Variants in HS3ST5 observed in about 807,000 individuals in gnomAD.
HS3ST5 encodes the protein heparan sulfate glucosamine 3-O-sulfotransferase 5.
In HS3ST5, 10 loss-of-function variants were observed where a neutral mutation model predicts 25.4. The observed-to-expected ratio is 0.39, with a 90% confidence interval of 0.24 to 0.67. HS3ST5 has a LOEUF of 0.67. Among genes scored for constraint, HS3ST5 ranks in the 30% least tolerant of loss-of-function variants. The pLI, the probability that HS3ST5 is intolerant of heterozygous loss-of-function variation, is 0.44. For missense variants in HS3ST5, 324 were observed against 420.7 expected (o/e 0.77, Z 2.01); for synonymous variants, 170 against 162.4 (o/e 1.05, Z -0.36).
At chr6:114,076,322 A>T (rs1311514967) in intron 3 of HS3ST5, among the ~76,000 whole-genome samples, 1 of 152,214 alleles carries the variant, frequency 6.6e-6, no homozygotes, top group Non-Finnish European at 1.5e-5. Context: ...CTGGGCCCCA[A>T]ATTCTCTTAT....
At chr6:114,133,992 A>C (rs1582637503) in intron 3 of HS3ST5, among the ~76,000 whole-genome samples, 1 of 151,982 alleles carries the variant, frequency 6.6e-6, no homozygotes, top group African/African-American at 2.4e-5. Context: ...GAGAGACAGA[A>C]AGAGAGGGCG....
At chr6:114,132,432 T>C (rs1777382996) in intron 3 of HS3ST5, 1 of 152,240 alleles carries the variant, frequency 6.6e-6, no homozygotes, top group African/African-American at 2.4e-5. Flanking sequence ...ACCCTCTTGT[T>C]TGCATACCAT....
chr6:114,283,275 A>G (rs1448877702), intron 1 of HS3ST5, among the ~76,000 whole-genome samples: 1 of 151,834 alleles, frequency 6.6e-6, no homozygotes, highest in East Asian at 1.9e-4. Flanking sequence ...AGCTGTCATT[A>G]TGATTTATTT....
chr6:114,340,113 C>T (rs200145416), intron 1 of HS3ST5, among the ~76,000 whole-genome samples: 1 of 151,942 alleles, frequency 6.6e-6, no homozygotes, highest in African/African-American at 2.4e-5. Context: ...CTGTGTATGC[C>T]GGCAAAAATG....
At chr6:114,088,712 T>C (rs918800261) in intron 3 of HS3ST5, among the ~76,000 whole-genome samples, 2 of 152,230 alleles carry the variant, frequency 1.3e-5, no homozygotes, top group Non-Finnish European at 2.9e-5. Flanking sequence ...AAATAGGTTA[T>C]AGGCTATATA....
intron 1 of HS3ST5, among the ~76,000 whole-genome samples, chr6:114,281,178 G>C (rs1774092130): frequency 6.6e-6 from 1 of 151,982 alleles, no homozygotes; most frequent in Non-Finnish European, 1.5e-5. Flanking sequence ...ATGTATCTCA[G>C]TGTTTCACTT....
chr6:114,230,527 C>T (rs544903794), intron 1 of HS3ST5, among the ~76,000 whole-genome samples: 72 of 151,822 alleles, frequency 4.7e-4, no homozygotes, highest in South Asian at 4.6e-3. Flanking sequence ...TTGGCAGAGA[C>T]TCTTTAATAG....
At chr6:114,332,127 C>G (rs950896220) in intron 1 of HS3ST5, among the ~76,000 whole-genome samples, 10 of 152,088 alleles carry the variant, frequency 6.6e-5, no homozygotes, top group African/African-American at 2.2e-4. Context: ...ACTATTATTA[C>G]AGAAATGGAG....
intron 1 of HS3ST5, among the ~76,000 whole-genome samples, chr6:114,256,378 A>C (rs1582764092): frequency 6.9e-6 from 1 of 144,450 alleles, no homozygotes; most frequent in Non-Finnish European, 1.5e-5. Context: ...ACAGAGCAAG[A>C]CTCCCTCTCA....
chr6:114,288,307 GT>G (rs1444698435), intron 1 of HS3ST5, among the ~76,000 whole-genome samples: 1 of 151,974 alleles, frequency 6.6e-6, no homozygotes, highest in Non-Finnish European at 1.5e-5. Flanking sequence ...CACTGGGTAA[GT>G]TTCTACACAG....
At chr6:114,323,414 G>A (rs1012366641) in intron 1 of HS3ST5, among the ~76,000 whole-genome samples, 1 of 152,018 alleles carries the variant, frequency 6.6e-6, no homozygotes, top group East Asian at 1.9e-4. Flanking sequence ...ATAGTACAAG[G>A]GTGCTTACAT....
intron 3 of HS3ST5, among the ~76,000 whole-genome samples, chr6:114,098,804 A>C (rs1030188991): frequency 6.6e-6 from 1 of 152,050 alleles, no homozygotes; most frequent in East Asian, 1.9e-4. Flanking sequence ...AAAGTGATTA[A>C]ATAATTTAAT....
rs114540538 is a variant in HS3ST5, at chr6:114,083,500, G to C, written c.-32-20623C>G. Among the ~76,000 whole-genome samples, 1,508 of 152,144 alleles carry C rather than the reference G, an allele frequency of 9.9e-3. 27 individuals are homozygous for C. Among genetic ancestry groups the C allele is most frequent in the African/African-American group, 0.034 (1,424 of 41,500 alleles). Reference sequence around the variant, plus strand: ...CTTTGAGGTCAAAGAGACAGCTCCAGGTCATTAAGGAGACAGTTCTGGGTG... The same window carrying C: ...CTTTGAGGTCAAAGAGACAGCTCCACGTCATTAAGGAGACAGTTCTGGGTG... On this transcript the variant is annotated intron_variant, in intron 3 of 4. Transcript: ENST00000312719.
At chr6:114,084,365 A>G (rs1229192789) in intron 3 of HS3ST5, 21 of 756,814 alleles carry the variant, frequency 2.8e-5, no homozygotes, top group Non-Finnish European at 5.1e-5. Context: ...GAATCAGTCC[A>G]TTCACCCTGA....
At chr6:114,136,259 A>G (rs932797805) in intron 3 of HS3ST5, among the ~76,000 whole-genome samples, 7 of 152,200 alleles carry the variant, frequency 4.6e-5, no homozygotes, top group East Asian at 1.9e-4. Context: ...GGGAGTAATT[A>G]AATCATGGGG....
chr6:114,236,808 A>C (rs1160954460), intron 1 of HS3ST5, among the ~76,000 whole-genome samples: 1 of 152,204 alleles, frequency 6.6e-6, no homozygotes, highest in Non-Finnish European at 1.5e-5. Context: ...CCATGTAACA[A>C]TCGGTACTGC....
At chr6:114,341,426 TAAA>T (rs1776866004) in intron 1 of HS3ST5, among the ~76,000 whole-genome samples, 1 of 152,092 alleles carries the variant, frequency 6.6e-6, no homozygotes, top group African/African-American at 2.4e-5. Context: ...AACCTCCAGG[TAAA>T]GACATCCACC....
rs117955788 is a variant in HS3ST5 at position 114,271,829 on chromosome 6, A to G, written c.-338-43051T>C. On this transcript the variant is annotated intron_variant, in intron 1 of 4. Coordinates refer to ENST00000312719, the MANE Select transcript of HS3ST5 (RefSeq NM_153612.4). ...GAAGAATTCTCTCCTCTCCTTTCCA[A>G]AACAAATTCTACATTTTCCACTCTA... is the stretch of plus-strand genomic sequence containing the variant. 6.0e-3 allele frequency among the ~76,000 whole-genome samples: 920 copies of G among 152,126 alleles called. 9 individuals are homozygous for G. The highest frequency in any genetic ancestry group is 7.9e-3 in the Non-Finnish European group (537 of 67,954).
chr6:114,312,950 G>A (rs927697128), intron 1 of HS3ST5, among the ~76,000 whole-genome samples: 3 of 146,206 alleles, frequency 2.1e-5, no homozygotes, highest in Middle Eastern at 3.5e-3. Flanking sequence ...CTTCAGCCCA[G>A]GAGGTTGAGG....
Sources: gnomAD v4.1 joint callset for allele counts (sites outside exome capture counted in the v4.1 genomes callset) on GRCh38, gnomAD v4.1.1 for gene constraint, MANE v1.5 for transcripts, NCBI Gene and HGNC (gene_info 2026-07-23, HGNC 2026-07-21) for gene names.